Variants in SLC11A2 observed in about 807,000 individuals in gnomAD.
The protein encoded by SLC11A2 is natural resistance-associated macrophage protein 2.
A neutral mutation model predicts 68.0 loss-of-function variants in SLC11A2; 38 were observed. The observed-to-expected ratio is 0.56, with a 90% CI of 0.43 to 0.73. The LOEUF is 0.73. Among genes scored for constraint, SLC11A2 ranks in the 30% least tolerant of loss-of-function variants. SLC11A2 has a pLI of 0.00. For synonymous variants in SLC11A2, 242 were observed against 250.6 expected (o/e 0.97, Z 0.32); for missense variants, 517 against 690.5 (o/e 0.75, Z 2.82).
downstream of SLC11A2, chr12:50,981,631 A>G (rs565393623): frequency 1.2e-6 from 1 of 823,634 alleles, no homozygotes; most frequent in East Asian, 2.7e-5. Context: ...CGTCTGAACA[A>G]AACTCACCTC....
chr12:51,027,780 C>T (rs1003333141), upstream of SLC11A2, among the ~76,000 whole-genome samples: 1 of 152,094 alleles, frequency 6.6e-6, no homozygotes, highest in Non-Finnish European at 1.5e-5. Context: ...AATTGAGCTT[C>T]TTTATTCACG....
chr12:50,987,515 A>T lies in SLC11A2; in HGVS notation c.*810T>A. The stretch of plus-strand genomic sequence containing the variant: ...TCTATCACCACCCTCCTGGAGAAAG[A>T]AAGTTAAGGTTTTACAACCACATGT... On this transcript the variant is annotated 3_prime_UTR_variant, in exon 16 of 16. Coordinates refer to ENST00000262052, the MANE Select transcript of SLC11A2 (RefSeq NM_000617.3). 7.8e-7 allele frequency: 1 copy of T among 1,287,238 alleles called. No individual in the cohort carries two copies. The highest frequency in any genetic ancestry group is 1.5e-5 in the African/African-American group (1 of 65,920). 79.7% of individuals were successfully genotyped at this position (1,287,238 alleles called of 1,614,324 possible).
chr12:50,995,783 C>T lies in SLC11A2; in HGVS notation c.836G>A (p.Arg279Lys), dbSNP rs775409589. 9.3e-6 allele frequency: 15 copies of T among 1,614,040 alleles called. No individual in the cohort carries two copies. The highest frequency in any genetic ancestry group is 1.3e-5 in the Non-Finnish European group (15 of 1,179,912). ...MYLHSALVKS[R>K]QVNRNNKQEV... is the part of the protein sequence containing the mutation. ...CTGCTTATTGTTCCGGTTTACCTGT[C>T]TAGACTAGAAAGATAACAACAGCAG... The change falls in exon 10 of 16, where the codon AGA (arginine) becomes AAA (lysine). Residue 279 changes from arginine (R) to lysine (K), a missense_variant. Transcript: ENST00000262052.
At chr12:50,995,490 A>AT (rs1235009503) in intron 10 of SLC11A2, 139 bp downstream of exon 10, 1 of 905,340 alleles carries the variant, frequency 1.1e-6, no homozygotes, top group Non-Finnish European at 1.8e-6. Flanking sequence ...GTGCACAGTG[A>AT]TTTTGGGGGG....
chr12:50,981,174 C>A (rs1940002016), downstream of SLC11A2: 1 of 152,078 alleles, frequency 6.6e-6, no homozygotes, highest in African/African-American at 2.4e-5. Context: ...TCAGTAGATA[C>A]AAAGGATATA....
At chr12:51,026,561 G>A, upstream of SLC11A2, 3 of 337,874 alleles carry the variant, frequency 8.9e-6, no homozygotes, top group Non-Finnish European at 1.7e-5. Context: ...TGGGGCACCC[G>A]GCGGGAGCTG....
the SLC11A2 span, chr12:50,960,956 T>A: frequency 1.3e-6 from 2 of 1,555,692 alleles, no homozygotes; most frequent in Non-Finnish European, 1.7e-6. Flanking sequence ...CCCATACTTT[T>A]AAAATTCACA....
downstream of SLC11A2, chr12:50,979,652 T>C (rs1939910153): frequency 2.8e-6 from 1 of 358,724 alleles, no homozygotes; most frequent in African/African-American, 2.1e-5. Context: ...TAGCCTGAGT[T>C]GCAGGGTTGG....
chr12:50,997,139 A>T (rs1941773861), intron 8 of SLC11A2, among the ~76,000 whole-genome samples, 167 bp from the exon 9 acceptor site: 1 of 152,158 alleles, frequency 6.6e-6, no homozygotes, highest in African/African-American at 2.4e-5. Flanking sequence ...ATGCAGTGGC[A>T]TGATCACAGC....
At position 50,995,718 on chromosome 12, in the gene SLC11A2, A is replaced by G; in HGVS notation, c.901T>C (p.Cys301Arg). The G allele has an allele frequency of 6.2e-7, 1 of 1,614,008 alleles. No homozygotes were observed. The highest frequency in any genetic ancestry group is 8.5e-7 in the Non-Finnish European group (1 of 1,179,862). The change falls in exon 10 of 16, where the codon TGC (cysteine) becomes CGC (arginine). Residue 301 changes from cysteine to arginine, a missense_variant. By Grantham distance (180) the Cys-to-Arg change is radical (BLOSUM62 -3). Coordinates refer to ENST00000262052, the MANE Select transcript of SLC11A2 (RefSeq NM_000617.3). ...EANKYFFIES[C>R]IALFVSFIIN... ...ATGAAGGAAACAAAGAGTGCAATGC[A>G]GGATTCAATGAAAAAGTACTTATTG...
chr12:51,025,911 G>A (rs1944352026), intron 1 of SLC11A2: 1 of 987,960 alleles, frequency 1.0e-6, no homozygotes, highest in Admixed American at 6.1e-5. Flanking sequence ...CGCCGACGAA[G>A]AGGCCACGAA....
the SLC11A2 span, among the ~76,000 whole-genome samples, chr12:50,953,369 A>T: frequency 6.6e-6 from 1 of 152,250 alleles, no homozygotes; most frequent in Non-Finnish European, 1.5e-5. Context: ...GAACAGACTC[A>T]GGCGCTGCTA....
chr12:51,007,980 G>A (rs1421874968), intron 3 of SLC11A2, among the ~76,000 whole-genome samples: 1 of 152,166 alleles, frequency 6.6e-6, no homozygotes, highest in Non-Finnish European at 1.5e-5. Flanking sequence ...AGGAAGGATA[G>A]CTTGAGGCCA....
At chr12:51,017,820 A>G (rs1235622193) in intron 1 of SLC11A2, among the ~76,000 whole-genome samples, 1 of 152,106 alleles carries the variant, frequency 6.6e-6, no homozygotes, top group Non-Finnish European at 1.5e-5. Flanking sequence ...ATCCCCTCTC[A>G]GGAAAGCATT....
chr12:50,988,336 A>G lies in SLC11A2; in HGVS notation c.1675T>C (p.Tyr559His). The G allele has an allele frequency of 6.2e-7, 1 of 1,614,048 alleles. No individual in the cohort carries two copies. The highest frequency in any genetic ancestry group is 8.5e-7 in the Non-Finnish European group (1 of 1,179,908). Residue 559 changes from tyrosine (Y) to histidine (H), a missense_variant, in exon 16 of 16, where the codon TAC (tyrosine) becomes CAC (histidine). Coordinates refer to ENST00000262052, the MANE Select transcript of SLC11A2 (RefSeq NM_000617.3). ...GLLTEEATRG[Y>H]VK Reference sequence around the variant, plus strand: ...AGACTAATCCAGTGTTATTTAACGTAGCCACGGGTGGCTTCTTCTGTCAGC... The same window carrying G: ...AGACTAATCCAGTGTTATTTAACGTGGCCACGGGTGGCTTCTTCTGTCAGC...
At chr12:50,962,232 T>TACACACACAC in the SLC11A2 span, among the ~76,000 whole-genome samples, 14 of 146,198 alleles carry the variant, frequency 9.6e-5, no homozygotes, top group African/African-American at 3.5e-4. Flanking sequence ...CTAAAAAAAT[T>TACACACACAC]ACACACACAC....
the SLC11A2 span, among the ~76,000 whole-genome samples, chr12:50,968,105 G>A: frequency 0.021 from 2,226 of 107,558 alleles, 52 homozygotes; most frequent in African/African-American, 0.063. Context: ...GAAGAAGAAG[G>A]AGGAGGAGGA....
chr12:50,986,973 T>C lies in SLC11A2; in HGVS notation c.*1352A>G. The C allele has an allele frequency of 1.6e-6, 2 of 1,287,002 alleles. No homozygotes were observed. Among genetic ancestry groups the C allele is most frequent in the South Asian group, 2.5e-5 (2 of 80,924 alleles). 79.7% of individuals were successfully genotyped at this position (1,287,002 alleles called of 1,614,324 possible). On this transcript the variant is annotated 3_prime_UTR_variant, in exon 16 of 16. Transcript: ENST00000262052. ...GTCCTTCAACACCATTTTCCATTACTGTTCTCACCAAATCAATGACTATAA... is the reference window on the plus strand; with the variant it reads ...GTCCTTCAACACCATTTTCCATTACCGTTCTCACCAAATCAATGACTATAA...
rs1361593841 is a variant in SLC11A2 at position 50,988,284 on chromosome 12, T to C, written c.*41A>G. 2 of 1,613,376 alleles carry C rather than the reference T, an allele frequency of 1.2e-6. No homozygotes were observed. The highest frequency in any genetic ancestry group is 2.7e-5 in the African/African-American group (2 of 74,928). On this transcript the variant is annotated 3_prime_UTR_variant, in exon 16 of 16. Coordinates refer to ENST00000262052, the MANE Select transcript of SLC11A2 (RefSeq NM_000617.3). ...CACACAGTAAACCATAGAAACACAC[T>C]GGCTCTGATGGCTACCTGCAGAAGA...
Sources: gnomAD v4.1 joint callset for allele counts (sites outside exome capture counted in the v4.1 genomes callset) on GRCh38, gnomAD v4.1.1 for gene constraint, MANE v1.5 for transcripts, NCBI Gene and HGNC (gene_info 2026-07-23, HGNC 2026-07-21) for gene names.